NTMT2: variants seen among roughly 807,000 people sequenced by gnomAD.
NTMT2 encodes the protein N-terminal Xaa-Pro-Lys N-methyltransferase 2.
Under a neutral mutation model 23.4 loss-of-function variants are expected in NTMT2, and 21 were observed. The observed-to-expected ratio is 0.90, with a 90% CI of 0.64 to 1.29. NTMT2 has a LOEUF of 1.29. NTMT2 is among the 50% of genes most tolerant of loss of function. The pLI is 0.00. For missense variants in NTMT2, 336 were observed against 352.0 expected (o/e 0.95, Z 0.36); for synonymous variants, 131 against 127.7 (o/e 1.03, Z -0.17).
chr1:170,147,221 T>C (rs530993115), intron 1 of NTMT2, among the ~76,000 whole-genome samples: 5 of 152,348 alleles, frequency 3.3e-5, no homozygotes, highest in African/African-American at 1.2e-4. Flanking sequence ...GATCTTTAAT[T>C]CTAAACATAC....
intron 1 of NTMT2, chr1:170,157,853 C>T (rs1436412587): frequency 6.6e-6 from 1 of 151,988 alleles, no homozygotes; most frequent in Non-Finnish European, 1.5e-5. Context: ...TAGAATATTT[C>T]TAATATCTCC....
intron 3 of NTMT2, among the ~76,000 whole-genome samples, chr1:170,167,024 C>T (rs773840844): frequency 2.0e-5 from 3 of 152,066 alleles, no homozygotes; most frequent in African/African-American, 2.4e-5. Flanking sequence ...CCTAAATCCT[C>T]GAAGAAATGT....
At chr1:170,166,437 G>A (rs1393655251) in intron 2 of NTMT2, 65 bp from the exon 3 acceptor site, 12 of 1,536,638 alleles carry the variant, frequency 7.8e-6, no homozygotes, top group South Asian at 6.0e-5. Context: ...CACCGCGCCC[G>A]GCCTGGGTGT....
At chr1:170,160,486 A>T in intron 1 of NTMT2, 32 bp from the exon 2 acceptor site, 1 of 1,462,758 alleles carries the variant, frequency 6.8e-7, no homozygotes, top group Non-Finnish European at 9.1e-7. Flanking sequence ...TCTTATAAAT[A>T]TTAATACCTA....
rs1283988088 is a variant in NTMT2, at chr1:170,166,685, T to C, written c.514T>C (p.Tyr172His). The C allele has an allele frequency of 1.3e-6, 2 of 1,552,304 alleles. No individual in the cohort carries two copies. Among genetic ancestry groups the C allele is most frequent in the Admixed American group, 3.9e-5 (2 of 51,018 alleles). The change falls in exon 3 of 4, where the codon TAC (tyrosine) becomes CAC (histidine). Residue 172 changes from tyrosine (Y) to histidine (H), a missense_variant. Tyr to His is a moderately conservative substitution (Grantham distance 83, BLOSUM62 2). Coordinates refer to ENST00000439373, the MANE Select transcript of NTMT2 (RefSeq NM_001136107.2). Reference sequence around the variant, plus strand: ...TGACAAAGTAGAAAGCTACCACTGCTACAGCCTGCAGGAATTCACACCCCC... The same window carrying C: ...TGACAAAGTAGAAAGCTACCACTGCCACAGCCTGCAGGAATTCACACCCCC... ...KGDKVESYHC[Y>H]SLQEFTPPFR...
chr1:170,152,444 G>A (rs1434100501), intron 1 of NTMT2, among the ~76,000 whole-genome samples: 2 of 152,180 alleles, frequency 1.3e-5, no homozygotes, highest in South Asian at 2.1e-4. Context: ...ATCTCTTGCT[G>A]AATTTGAGAA....
rs1247126173 is a variant in NTMT2, at chr1:170,151,594, A to C, written c.154+5333A>C. The C allele has an allele frequency of 4.6e-5, 7 of 152,906 alleles. No homozygotes were observed. In the East Asian group the frequency reaches 1.4e-3, roughly 30 times the overall value. 9.5% of individuals were successfully genotyped at this position (152,906 alleles called of 1,614,324 possible). A position where few individuals can be genotyped will look rare whatever the true frequency, so the allele number is the denominator to read the frequency against. ...ACTCATTGTACAATGATACATTTTCAAATGTTTATCATTACCTGTGCAATA... is the reference window on the plus strand; with the variant it reads ...ACTCATTGTACAATGATACATTTTCCAATGTTTATCATTACCTGTGCAATA... On this transcript the variant is annotated intron_variant, in intron 1 of 3. Transcript: ENST00000439373.
intron 1 of NTMT2, among the ~76,000 whole-genome samples, chr1:170,157,322 TA>T (rs1215807708): frequency 6.6e-6 from 1 of 152,164 alleles, no homozygotes; most frequent in Non-Finnish European, 1.5e-5. Context: ...TTTAAACTTT[TA>T]AAAGATTTAT....
At chr1:170,150,613 T>C (rs1673050241) in intron 1 of NTMT2, among the ~76,000 whole-genome samples, 1 of 152,188 alleles carries the variant, frequency 6.6e-6, no homozygotes, top group Non-Finnish European at 1.5e-5. Context: ...ACTTAACTAA[T>C]GTGGGCAGCA....
At chr1:170,160,078 T>C (rs1226452101) in intron 1 of NTMT2, among the ~76,000 whole-genome samples, 3 of 152,234 alleles carry the variant, frequency 2.0e-5, no homozygotes, top group African/African-American at 7.2e-5. Context: ...TACCTTGCGA[T>C]TAGAAGTAAT....
In NTMT2 at chr1:170,167,676, G is replaced by A. The variant is rs1234614619; in HGVS notation, c.771G>A (p.Leu257=). The A allele has an allele frequency of 1.3e-6, 2 of 1,551,560 alleles. No homozygotes were observed. The highest frequency in any genetic ancestry group is 1.4e-5 in the African/African-American group (1 of 73,024). Reference sequence around the variant, plus strand: ...TAAGGAAGAGTGGGCTGGTGGTGCTGGGCCAGGAGAAGCAGGATGGCTTCC... The same window carrying A: ...TAAGGAAGAGTGGGCTGGTGGTGCTAGGCCAGGAGAAGCAGGATGGCTTCC... ...SLIRKSGLVV[L]GQEKQDGFPE... Residue 257 remains leucine (L), a synonymous_variant, in exon 4 of 4, where the codon CTG becomes CTA. Transcript: ENST00000439373.
intron 1 of NTMT2, among the ~76,000 whole-genome samples, chr1:170,158,822 A>G (rs1440261081): frequency 6.6e-6 from 1 of 151,988 alleles, no homozygotes; most frequent in Non-Finnish European, 1.5e-5. Context: ...ACTTTAATTT[A>G]TAAGAATTCT....
intron 1 of NTMT2, among the ~76,000 whole-genome samples, chr1:170,152,358 A>G (rs1673086778): frequency 6.6e-6 from 1 of 152,172 alleles, no homozygotes; most frequent in South Asian, 2.1e-4. Flanking sequence ...GCCTTCTCAG[A>G]TTTGATAGTA....
At chr1:170,148,990 T>C (rs1488564375) in intron 1 of NTMT2, among the ~76,000 whole-genome samples, 1 of 152,218 alleles carries the variant, frequency 6.6e-6, no homozygotes, top group East Asian at 1.9e-4. Flanking sequence ...CTAGAAAATG[T>C]TTCTGCTACA....
At chr1:170,157,745 A>T (rs565703416) in intron 1 of NTMT2, among the ~76,000 whole-genome samples, 3 of 152,094 alleles carry the variant, frequency 2.0e-5, no homozygotes, top group Non-Finnish European at 4.4e-5. Context: ...GGCTTGCTTC[A>T]TGCCCTGATC....
At position 170,151,428 on chromosome 1, in the gene NTMT2, C is replaced by A. The variant is rs933485949; in HGVS notation, c.154+5167C>A. Reference sequence around the variant, plus strand: ...GGCAAAGACATAGATTGTTTAGCTACCCCTTTGCCATCAAAGTTAAAAGCC... The same window carrying A: ...GGCAAAGACATAGATTGTTTAGCTAACCCTTTGCCATCAAAGTTAAAAGCC... On this transcript the variant is annotated intron_variant, in intron 1 of 3. Transcript: ENST00000439373. 8 of 153,638 alleles carry A rather than the reference C, an allele frequency of 5.2e-5. No individual in the cohort carries two copies. In the Middle Eastern group the frequency reaches 4.2e-3, roughly 81 times the overall value. The allele number at this position is 153,638 out of a possible 1,614,324, so 9.5% of individuals were successfully genotyped here. A position where few individuals can be genotyped will look rare whatever the true frequency, so the allele number is the denominator to read the frequency against.
chr1:170,156,026 T>C (rs1282134735), intron 1 of NTMT2, among the ~76,000 whole-genome samples: 1 of 152,148 alleles, frequency 6.6e-6, no homozygotes, highest in Non-Finnish European at 1.5e-5. Flanking sequence ...ATTCTTTTGC[T>C]ACCTGCAAAA....
intron 1 of NTMT2, among the ~76,000 whole-genome samples, chr1:170,159,953 G>A (rs1673240913): frequency 6.6e-6 from 1 of 152,096 alleles, no homozygotes; most frequent in Admixed American, 6.6e-5. Context: ...TAAATATTAT[G>A]TTTCCTTTAT....
chr1:170,166,840 G>C, intron 3 of NTMT2, 89 bp downstream of exon 3: 2 of 1,376,326 alleles, frequency 1.5e-6, no homozygotes. Context: ...CCAGGGAAGA[G>C]TTAGCTGTAG....
Sources: allele counts gnomAD v4.1 joint callset (sites outside exome capture counted in the v4.1 genomes callset), GRCh38; gene constraint gnomAD v4.1.1; transcripts MANE v1.5; gene names NCBI Gene and HGNC (gene_info 2026-07-23, HGNC 2026-07-21).